Variants in ZNF804A observed in about 807,000 individuals in gnomAD.
The protein encoded by ZNF804A is zinc finger protein 804A.
ZNF804A carries 2 observed loss-of-function variants against 16.5 expected under a neutral mutation model. The observed-to-expected ratio is 0.12, with a 90% CI of 0.05 to 0.38. The LOEUF is 0.38. Among genes scored for constraint, ZNF804A ranks in the 10% least tolerant of loss-of-function variants. The pLI, the probability that ZNF804A is intolerant of heterozygous loss-of-function variation, is 0.99. For synonymous variants in ZNF804A, 534 were observed against 489.6 expected (o/e 1.09, Z -1.20); for missense variants, 1,473 against 1,390.7 (o/e 1.06, Z -0.94).
intron 1 of ZNF804A, among the ~76,000 whole-genome samples, chr2:184,744,370 C>T (rs1295071548): frequency 1.3e-5 from 2 of 151,936 alleles, no homozygotes; most frequent in South Asian, 2.1e-4. Context: ...GAAACCCTAA[C>T]CCCTAAGGTG....
chr2:184,905,357 T>C (rs1279192275), intron 2 of ZNF804A, among the ~76,000 whole-genome samples: 1 of 152,136 alleles, frequency 6.6e-6, no homozygotes, highest in African/African-American at 2.4e-5. Flanking sequence ...TCTTTTACAG[T>C]GGTCCTTCCT....
At chr2:184,660,851 C>G (rs1047360476) in intron 1 of ZNF804A, among the ~76,000 whole-genome samples, 3 of 152,186 alleles carry the variant, frequency 2.0e-5, no homozygotes, top group African/African-American at 7.2e-5. Context: ...TCAGTAGATA[C>G]TAATTTATTT....
chr2:184,877,180 T>C (rs1177063661), intron 2 of ZNF804A, among the ~76,000 whole-genome samples: 3 of 152,160 alleles, frequency 2.0e-5, no homozygotes. Context: ...CCATTTTATT[T>C]TTAATGCACT....
chr2:184,623,875 G>A (rs558190437), intron 1 of ZNF804A, among the ~76,000 whole-genome samples: 1 of 152,150 alleles, frequency 6.6e-6, no homozygotes, highest in South Asian at 2.1e-4. Context: ...TCCTTACTCA[G>A]ATTATAACAT....
intron 1 of ZNF804A, among the ~76,000 whole-genome samples, chr2:184,817,463 A>G (rs1695001807): frequency 1.3e-5 from 2 of 152,032 alleles, no homozygotes; most frequent in Non-Finnish European, 2.9e-5. Context: ...GAATCAATGC[A>G]AAAACACTCA....
intron 1 of ZNF804A, among the ~76,000 whole-genome samples, chr2:184,809,106 TG>T (rs1694853760): frequency 6.6e-6 from 1 of 151,874 alleles, no homozygotes; most frequent in Non-Finnish European, 1.5e-5. Flanking sequence ...AGGCAATGTT[TG>T]GGGAAAACAG....
At chr2:184,853,250 CATT>C (rs1695633131) in intron 1 of ZNF804A, among the ~76,000 whole-genome samples, 2 of 151,756 alleles carry the variant, frequency 1.3e-5, no homozygotes, top group African/African-American at 4.8e-5. Context: ...TTTATAGAAA[CATT>C]AGTGATTTTT....
At chr2:184,812,822 C>T (rs1057114724) in intron 1 of ZNF804A, among the ~76,000 whole-genome samples, 2 of 152,030 alleles carry the variant, frequency 1.3e-5, no homozygotes, top group Non-Finnish European at 2.9e-5. Context: ...CTCTCACTCT[C>T]CATAAAATGT....
intron 1 of ZNF804A, among the ~76,000 whole-genome samples, chr2:184,629,265 T>C (rs1432914494): frequency 4.6e-5 from 7 of 151,896 alleles, no homozygotes; most frequent in East Asian, 1.9e-4. Flanking sequence ...AATAATAATG[T>C]TATTTTTTTG....
intron 1 of ZNF804A, among the ~76,000 whole-genome samples, chr2:184,781,886 T>A (rs1249928765): frequency 6.6e-6 from 1 of 151,872 alleles, no homozygotes; most frequent in Admixed American, 6.6e-5. Flanking sequence ...ACAGAAATTA[T>A]TTTTCTCCCC....
chr2:184,731,670 A>G (rs1017811255), intron 1 of ZNF804A, among the ~76,000 whole-genome samples: 5 of 150,538 alleles, frequency 3.3e-5, no homozygotes, highest in African/African-American at 1.2e-4. Context: ...CCTAGGCTCA[A>G]GTGATCCTCC....
chr2:184,718,908 G>C (rs1276073292), intron 1 of ZNF804A, among the ~76,000 whole-genome samples: 1 of 152,088 alleles, frequency 6.6e-6, no homozygotes, highest in Non-Finnish European at 1.5e-5. Flanking sequence ...AGCAGGCGGT[G>C]CCCCAGTGGG....
At chr2:184,691,660 TG>T (rs1692731332) in intron 1 of ZNF804A, among the ~76,000 whole-genome samples, 1 of 151,826 alleles carries the variant, frequency 6.6e-6, no homozygotes, top group Non-Finnish European at 1.5e-5. Context: ...ATTTTTAACC[TG>T]ATGATGCAAT....
intron 2 of ZNF804A, among the ~76,000 whole-genome samples, chr2:184,921,241 C>T (rs936723294): frequency 5.3e-5 from 8 of 152,198 alleles, no homozygotes; most frequent in South Asian, 2.1e-4. Flanking sequence ...TAAGAAAAAA[C>T]ATTAACACTG....
intron 1 of ZNF804A, among the ~76,000 whole-genome samples, chr2:184,829,914 A>C (rs1317907974): frequency 8.4e-5 from 9 of 106,728 alleles, no homozygotes; most frequent in South Asian, 5.0e-4. Flanking sequence ...AAAAAAAAAA[A>C]AAAAAAAACA....
At chr2:184,668,628 GA>G in intron 1 of ZNF804A, among the ~76,000 whole-genome samples, 1 of 151,890 alleles carries the variant, frequency 6.6e-6, no homozygotes, top group Non-Finnish European at 1.5e-5. Context: ...GATCCTTGAA[GA>G]AAAGAAAAAT....
chr2:184,798,053 T>TGTGC (rs1491078827), intron 1 of ZNF804A, among the ~76,000 whole-genome samples: 1 of 144,718 alleles, frequency 6.9e-6, no homozygotes, highest in Non-Finnish European at 1.5e-5. Context: ...TGTGTGTGTG[T>TGTGC]GAAGATAGGG....
chr2:184,907,624 A>T (rs938026371), intron 2 of ZNF804A, among the ~76,000 whole-genome samples: 10 of 152,274 alleles, frequency 6.6e-5, no homozygotes, highest in East Asian at 5.8e-4. Flanking sequence ...GCCAGAAACA[A>T]GAACTGTAAC....
intron 1 of ZNF804A, among the ~76,000 whole-genome samples, chr2:184,719,655 A>G (rs1316243659): frequency 1.3e-5 from 2 of 152,188 alleles, no homozygotes; most frequent in African/African-American, 4.8e-5. Flanking sequence ...AAATACAGCC[A>G]GTCTCTTTCC....
Sources: allele counts gnomAD v4.1 joint callset (sites outside exome capture counted in the v4.1 genomes callset), GRCh38; gene constraint gnomAD v4.1.1; transcripts MANE v1.5; gene names NCBI Gene and HGNC (gene_info 2026-07-23, HGNC 2026-07-21).